The following HPSE2 variants were observed in gnomAD, a reference collection of about 807,000 sequenced individuals.
HPSE2 encodes the protein inactive heparanase-2.
A neutral mutation model predicts 60.5 loss-of-function variants in HPSE2; 38 were observed. The ratio of observed to expected loss-of-function variants is 0.63; its 90% CI spans 0.48 to 0.82. The LOEUF is 0.82. Among genes scored for constraint, HPSE2 ranks in the 40% least tolerant of loss-of-function variants. HPSE2 has a pLI of 0.00. For synonymous variants in HPSE2, 295 were observed against 293.2 expected (o/e 1.01, Z -0.06); for missense variants, 713 against 740.4 (o/e 0.96, Z 0.43).
rs570159036 is a variant in HPSE2 at position 98,939,153 on chromosome 10, G to A, written c.611-195097C>T. Among the ~76,000 whole-genome samples, 66 of 143,800 alleles carry A rather than the reference G, an allele frequency of 4.6e-4. 7 individuals are homozygous for A. The highest frequency in any genetic ancestry group is 8.5e-4 in the African/African-American group (30 of 35,384). The allele number at this position is 143,800 out of a possible 152,430, so 94.3% of individuals were successfully genotyped here. On this transcript the variant is annotated intron_variant, in intron 3 of 11. Coordinates refer to ENST00000370552, the MANE Select transcript of HPSE2 (RefSeq NM_021828.5). ...ATCATGGCAAATTGTAAAGACCATC[G>A]AGGCTAGGAAGAAACTGCATCAACT...
rs572785636 is a variant in HPSE2, at chr10:98,488,417, T to G, written c.1466+1634A>C. Among the ~76,000 whole-genome samples, 19 of 152,256 alleles carry G rather than the reference T, an allele frequency of 1.2e-4. No individual in the cohort carries two copies. In the South Asian group the frequency reaches 4.0e-3, roughly 32 times the overall value. ...ATATTAGACACCAAGAATACAAAAA[T>G]GAATGAGACACTGGCCCTGAGTTCA... is the stretch of plus-strand genomic sequence containing the variant. On this transcript the variant is annotated intron_variant, in intron 10 of 11. Coordinates refer to ENST00000370552, the MANE Select transcript of HPSE2 (RefSeq NM_021828.5).
Position 98,490,186 on chromosome 10 carries a change from A to C in HPSE2, c.1331T>G (p.Leu444Arg). The change falls in exon 10 of 12, where the codon CTC becomes CGC. Residue 444 changes from leucine to arginine, a missense_variant. Leu to Arg is a moderately radical substitution (Grantham distance 102, BLOSUM62 -2). Coordinates refer to ENST00000370552, the MANE Select transcript of HPSE2 (RefSeq NM_021828.5). ...QNFNPLPDYWLSLLYKRLIGP... is the reference protein window; with the variant it reads ...QNFNPLPDYWRSLLYKRLIGP... ...GATCAGGCGCTTGTAGAGGAGAGAG[A>C]GCCAGTAGTCCTGAGGAGAATAGAG... The C allele has an allele frequency of 6.2e-7, 1 of 1,614,084 alleles. No homozygotes were observed. Among genetic ancestry groups the C allele is most frequent in the Non-Finnish European group, 8.5e-7 (1 of 1,180,008 alleles).
At chr10:99,092,683 T>G (rs1233337402) in intron 3 of HPSE2, among the ~76,000 whole-genome samples, 1 of 152,162 alleles carries the variant, frequency 6.6e-6, no homozygotes, top group Non-Finnish European at 1.5e-5. Flanking sequence ...AGCCTAACAT[T>G]CAAAGTCAGC....
chr10:98,500,394 T>G (rs1490595788), intron 9 of HPSE2, among the ~76,000 whole-genome samples: 3 of 152,112 alleles, frequency 2.0e-5, no homozygotes, highest in African/African-American at 7.2e-5. Flanking sequence ...TGCAAATACA[T>G]GAAAATTAAA....
Position 98,700,191 on chromosome 10 carries a change from T to C in HPSE2, c.957-6244A>G, listed in dbSNP as rs1270077100. On this transcript the variant is annotated intron_variant, in intron 5 of 11. Coordinates refer to ENST00000370552, the MANE Select transcript of HPSE2 (RefSeq NM_021828.5). ...AAAAGAGCCTGCATCACCAAGTCAA[T>C]CCTAAGCCAAAAGAATAAAGCTGGA... 5.3e-5 allele frequency among the ~76,000 whole-genome samples: 8 copies of C among 151,866 alleles called. No individual in the cohort carries two copies. The East Asian group carries it at 1.4e-3, about 26-fold the overall frequency.
intron 5 of HPSE2, among the ~76,000 whole-genome samples, chr10:98,717,489 G>C (rs1948819861): frequency 6.6e-6 from 1 of 152,074 alleles, no homozygotes; most frequent in Non-Finnish European, 1.5e-5. Context: ...TAAAGTGAGA[G>C]ACATGTAAGT....
At chr10:98,772,394 C>T (rs1452545288) in intron 3 of HPSE2, among the ~76,000 whole-genome samples, 3 of 152,128 alleles carry the variant, frequency 2.0e-5, no homozygotes, top group Admixed American at 6.6e-5. Context: ...TCCCTGGTCC[C>T]GAGCCAATTT....
At chr10:99,303,918 C>G in the HPSE2 span, among the ~76,000 whole-genome samples, 1 of 152,260 alleles carries the variant, frequency 6.6e-6, no homozygotes, top group South Asian at 2.1e-4. Context: ...TAAAACAATG[C>G]TGGCACAAGG....
intron 3 of HPSE2, among the ~76,000 whole-genome samples, chr10:98,903,752 A>G (rs1291747913): frequency 2.0e-5 from 3 of 152,152 alleles, no homozygotes; most frequent in African/African-American, 4.8e-5. Context: ...TTAAACGCCT[A>G]AAGTACAAAG....
chr10:98,510,958 A>C (rs1942369723), intron 9 of HPSE2, among the ~76,000 whole-genome samples: 1 of 152,224 alleles, frequency 6.6e-6, no homozygotes, highest in Non-Finnish European at 1.5e-5. Context: ...AAGAAACAAA[A>C]GTGGAGAGGT....
chr10:98,592,290 G>A (rs1227534048), intron 9 of HPSE2, among the ~76,000 whole-genome samples: 2 of 152,130 alleles, frequency 1.3e-5, no homozygotes, highest in Non-Finnish European at 2.9e-5. Context: ...ATAGTTCAGG[G>A]CCTTTCCTCT....
the HPSE2 span, among the ~76,000 whole-genome samples, chr10:99,256,543 C>T: frequency 2.7e-5 from 4 of 150,518 alleles, no homozygotes; most frequent in African/African-American, 9.8e-5. Flanking sequence ...ACACTAAGAC[C>T]TGCAATAACA....
intron 5 of HPSE2, among the ~76,000 whole-genome samples, chr10:98,699,589 A>G (rs376352576): frequency 5.8e-4 from 72 of 125,146 alleles, no homozygotes; most frequent in African/African-American, 1.5e-3. Context: ...CACAAGACAG[A>G]GATGCCCTCT....
chr10:99,131,113 A>G (rs1057347271), intron 3 of HPSE2, among the ~76,000 whole-genome samples: 2 of 152,242 alleles, frequency 1.3e-5, no homozygotes, highest in African/African-American at 4.8e-5. Flanking sequence ...ATAGATACAG[A>G]AAAAGCAGCT....
chr10:98,605,495 G>C (rs1371541170), intron 9 of HPSE2, among the ~76,000 whole-genome samples: 1 of 152,168 alleles, frequency 6.6e-6, no homozygotes, highest in Non-Finnish European at 1.5e-5. Flanking sequence ...AAACGGAATA[G>C]TATAATAAAC....
At chr10:99,086,387 C>G (rs988477830) in intron 3 of HPSE2, among the ~76,000 whole-genome samples, 8 of 112,622 alleles carry the variant, frequency 7.1e-5, no homozygotes, top group African/African-American at 2.3e-4. Context: ...GAGTCTCGCT[C>G]TGTCGCCCAG....
At chr10:98,872,021 G>A (rs991470304) in intron 3 of HPSE2, among the ~76,000 whole-genome samples, 7 of 152,098 alleles carry the variant, frequency 4.6e-5, no homozygotes, top group Non-Finnish European at 1.0e-4. Flanking sequence ...CTATCCAGAA[G>A]AGAAACTTTG....
chr10:99,066,617 C>T (rs572951759), intron 3 of HPSE2, among the ~76,000 whole-genome samples: 27 of 152,216 alleles, frequency 1.8e-4, no homozygotes, highest in Admixed American at 1.4e-3. Flanking sequence ...CATTAGATCT[C>T]GTCAGACTTA....
chr10:98,581,628 G>C (rs1944800826), intron 9 of HPSE2, among the ~76,000 whole-genome samples: 1 of 152,150 alleles, frequency 6.6e-6, no homozygotes, highest in Non-Finnish European at 1.5e-5. Flanking sequence ...CCACGTGTAG[G>C]GTAGTGGGAA....
Sources: gnomAD v4.1 joint callset for allele counts (sites outside exome capture counted in the v4.1 genomes callset) on GRCh38, gnomAD v4.1.1 for gene constraint, MANE v1.5 for transcripts, NCBI Gene and HGNC (gene_info 2026-07-23, HGNC 2026-07-21) for gene names.